The following TG variants were observed in gnomAD, a reference collection of about 807,000 sequenced individuals.
The protein encoded by TG is thyroid hormones.
TG carries 270 observed loss-of-function variants against 324.7 expected under a neutral mutation model. That is an observed-to-expected ratio of 0.83 (90% confidence interval 0.75 to 0.92). The LOEUF (loss-of-function observed/expected upper bound fraction) is 0.92. Among genes scored for constraint, TG ranks in the 40% least tolerant of loss-of-function variants. The pLI is 0.00. For missense variants in TG, 3,591 were observed against 3,456.4 expected, an observed-to-expected ratio of 1.04 and a Z score of -0.98; for synonymous variants, 1,401 against 1,327.0, an observed-to-expected ratio of 1.06 and a Z score of -1.21.
intron 41 of TG, chr8:133,074,866 G>C: frequency 1.0e-6 from 1 of 985,540 alleles, no homozygotes; most frequent in Non-Finnish European, 1.2e-6. Context: ...CACACACTGG[G>C]CATGACTCCT....
chr8:133,037,171 T>A (rs1443032225), intron 41 of TG: 1 of 152,120 alleles, frequency 6.6e-6, no homozygotes, highest in Non-Finnish European at 1.5e-5. Context: ...TTCCCCAGGA[T>A]CCCTTTGAAA....
chr8:133,050,060 A>C (rs1840117206), intron 41 of TG: 4 of 979,444 alleles, frequency 4.1e-6, no homozygotes, highest in Non-Finnish European at 6.6e-6. Flanking sequence ...TGAACAGAGT[A>C]ATCAGATTTA....
At chr8:133,098,235 C>G (rs1420111071) in intron 43 of TG, among the ~76,000 whole-genome samples, 1 of 152,100 alleles carries the variant, frequency 6.6e-6, no homozygotes. Flanking sequence ...TCTGATCAAG[C>G]CCCTCATCAG....
In TG at chr8:132,898,893, G is replaced by A. The variant is rs115670342; in HGVS notation, c.3313G>A (p.Val1105Ile). ...AAACCCATCTCCAAAAGACCTGTTC[G>A]TCCCAGCCTGCCTAGAAGTAAGGGT... Reference protein sequence around the residue: ...QENPSPKDLFVPACLETGEYA... With the variant: ...QENPSPKDLFIPACLETGEYA... The change falls in exon 14 of 48, where the codon GTC becomes ATC. Residue 1105 changes from valine (V) to isoleucine (I), a missense_variant. Coordinates refer to ENST00000220616, the MANE Select transcript of TG (RefSeq NM_003235.5). The A allele has an allele frequency of 7.6e-4, 1,224 of 1,613,980 alleles. 9 individuals are homozygous for A. The African/African-American group carries it at 0.014, about 18-fold the overall frequency.
In TG at chr8:132,969,548, CT is replaced by C; in HGVS notation, c.5955del (p.Glu1986LysfsTer27). ...TCCATTAGAAATAAAGTGCCCATGT[CT>C]GAAAAATCTATTTCTAATGGGTAAG... The part of the protein sequence containing the change: ...GISIRNKVPM[S>X]EKSISNGFFE... On this transcript the variant is annotated frameshift_variant, in exon 32 of 48. Transcript: ENST00000220616. LOFTEE classifies it high-confidence loss of function. The C allele has an allele frequency of 6.2e-7, 1 of 1,611,744 alleles. No individual in the cohort carries two copies. The highest frequency in any genetic ancestry group is 8.5e-7 in the Non-Finnish European group (1 of 1,177,894).
chr8:133,027,470 G>T (rs1836207346), intron 40 of TG, among the ~76,000 whole-genome samples: 2 of 152,094 alleles, frequency 1.3e-5, no homozygotes, highest in African/African-American at 4.8e-5. Flanking sequence ...GAGTGAGGTG[G>T]GGCCTGAGGA....
intron 3 of TG, 36 bp downstream of exon 3, chr8:132,869,862 C>T (rs572080384): frequency 2.5e-6 from 4 of 1,584,856 alleles, no homozygotes; most frequent in African/African-American, 2.7e-5. Context: ...TGGAGGGACC[C>T]TGCTAGGACA....
chr8:133,016,990 G>A (rs1835087604), intron 37 of TG, among the ~76,000 whole-genome samples: 1 of 152,236 alleles, frequency 6.6e-6, no homozygotes, highest in African/African-American at 2.4e-5. Context: ...GAAAAAATGG[G>A]CAGGAGGGCC....
At position 133,014,457 on chromosome 8, in the gene TG, C is replaced by T. The variant is rs972577258; in HGVS notation, c.6562+693C>T. 2.6e-5 allele frequency among the ~76,000 whole-genome samples: 4 copies of T among 152,288 alleles called. 1 individual carries two copies. The highest frequency in any genetic ancestry group is 2.6e-4 in the Admixed American group (4 of 15,302). On this transcript the variant is annotated intron_variant, in intron 37 of 47. Transcript: ENST00000220616. ...ACTGGGCATCTGGGGGAATCCCCTC[C>T]CCCACTAGACATATTTATTGGATGA...
intron 41 of TG, among the ~76,000 whole-genome samples, chr8:133,092,839 A>C (rs1461696332): frequency 2.0e-5 from 3 of 152,240 alleles, no homozygotes; most frequent in Non-Finnish European, 2.9e-5. Context: ...TTCCACGGTG[A>C]AAAAGGTTTC....
intron 45 of TG, among the ~76,000 whole-genome samples, chr8:133,125,179 G>A (rs1851424303): frequency 2.6e-5 from 4 of 152,234 alleles, no homozygotes; most frequent in Non-Finnish European, 1.5e-5. Flanking sequence ...GCAGAGAAGA[G>A]CTGCCTTCTT....
chr8:132,948,683 A>G (rs189621266), intron 26 of TG, 93 bp from the exon 27 acceptor site: 1 of 1,368,232 alleles, frequency 7.3e-7, no homozygotes, highest in African/African-American at 1.4e-5. Flanking sequence ...GCTGTCACCT[A>G]TCTTTATTTG....
chr8:132,972,500 T>A, intron 33 of TG, 98 bp from the exon 34 acceptor site: 1 of 1,402,682 alleles, frequency 7.1e-7, no homozygotes, highest in East Asian at 2.3e-5. Flanking sequence ...AAATGTCTGC[T>A]GAACAATGTA....
In TG at chr8:133,134,719, G is replaced by A; in HGVS notation, c.8232G>A (p.Glu2744=). The A allele has an allele frequency of 6.2e-7, 1 of 1,614,122 alleles. No homozygotes were observed. Among genetic ancestry groups the A allele is most frequent in the Non-Finnish European group, 8.5e-7 (1 of 1,180,002 alleles). The change falls in exon 48 of 48, where the codon GAG becomes GAA. Residue 2744 remains glutamate, a synonymous_variant. Coordinates refer to ENST00000220616, the MANE Select transcript of TG (RefSeq NM_003235.5). ...GGQSAESEEE[E]LTAGSGLRED... ...AGTCAGCAGAGAGTGAAGAGGAGGA[G>A]TTGACGGCTGGATCTGGGCTAAGAG... is the stretch of plus-strand genomic sequence containing the variant.
At chr8:133,039,142 G>A (rs529724874) in intron 41 of TG, among the ~76,000 whole-genome samples, 9 of 152,204 alleles carry the variant, frequency 5.9e-5, no homozygotes, top group African/African-American at 2.2e-4. Context: ...GCCTCCCAAA[G>A]TGCTGGGGTT....
chr8:133,077,917 T>A (rs536503837), intron 41 of TG, among the ~76,000 whole-genome samples: 3 of 152,032 alleles, frequency 2.0e-5, no homozygotes, highest in African/African-American at 7.2e-5. Context: ...AATTGTCAAA[T>A]GTGCCCTAGG....
intron 41 of TG, chr8:133,089,903 T>C (rs1847224658): frequency 6.6e-6 from 1 of 152,210 alleles, no homozygotes; most frequent in Admixed American, 6.5e-5. Flanking sequence ...GATGATTCTC[T>C]GCAGCTTCTT....
intron 16 of TG, 62 bp downstream of exon 16, chr8:132,901,615 G>A: frequency 1.3e-6 from 2 of 1,552,760 alleles, no homozygotes; most frequent in South Asian, 2.4e-5. Flanking sequence ...ATCCAGACTG[G>A]GTGAAGTACT....
At chr8:132,990,701 C>G (rs999184215) in intron 35 of TG, among the ~76,000 whole-genome samples, 4 of 152,152 alleles carry the variant, frequency 2.6e-5, no homozygotes, top group Admixed American at 1.3e-4. Flanking sequence ...TTAATCTTCA[C>G]AACTGCCCTA....
Sources: gnomAD v4.1 joint callset for allele counts (sites outside exome capture counted in the v4.1 genomes callset) on GRCh38, gnomAD v4.1.1 for gene constraint, MANE v1.5 for transcripts, NCBI Gene and HGNC (gene_info 2026-07-23, HGNC 2026-07-21) for gene names.